The following TMEM182 variants were observed in gnomAD, a reference collection of about 807,000 sequenced individuals.
The protein encoded by TMEM182 is transmembrane protein 182.
Under a neutral mutation model 26.8 loss-of-function variants are expected in TMEM182, and 20 were observed. The observed-to-expected ratio is 0.75, with a 90% CI of 0.53 to 1.09. The LOEUF (loss-of-function observed/expected upper bound fraction) is 1.09, where lower values mean the gene tolerates loss of function less well. TMEM182 is among the 50% of genes least tolerant of loss of function. The pLI, the probability that TMEM182 is intolerant of heterozygous loss-of-function variation, is 0.00. For missense variants in TMEM182, 277 were observed against 275.5 expected (o/e 1.01, Z -0.04); for synonymous variants, 109 against 102.2 (o/e 1.07, Z -0.40).
At chr2:102,839,479 C>T (rs377209641) in intron 3 of TMEM182, among the ~76,000 whole-genome samples, 5 of 119,898 alleles carry the variant, frequency 4.2e-5, no homozygotes, top group African/African-American at 1.6e-4. Context: ...ATAATATATA[C>T]ACACAAAAAT....
chr2:102,765,293 C>CAGGTCAGAGTG (rs1680385303), intron 3 of TMEM182, among the ~76,000 whole-genome samples: 3 of 150,964 alleles, frequency 2.0e-5, no homozygotes, highest in Admixed American at 6.6e-5. Flanking sequence ...ATGTTGCAAT[C>CAGGTCAGAGTG]TCCAGTCTGA....
rs75611193 is a variant in TMEM182, at chr2:102,836,773, G to A, written c.326-6639G>A. 7.4e-3 allele frequency among the ~76,000 whole-genome samples: 1,122 copies of A among 152,296 alleles called. 17 individuals are homozygous for A. The highest frequency in any genetic ancestry group is 0.026 in the African/African-American group (1,075 of 41,544). The stretch of plus-strand genomic sequence containing the variant: ...AGAGCAGGACACAGGAAGAGAACTC[G>A]GCCTCTGTCAGCTGTGCTGCCCCAC... On this transcript the variant is annotated intron_variant, in intron 3 of 3. Transcript: ENST00000486293.
chr2:102,811,582 C>G (rs1682556747), intron 4 of TMEM182, among the ~76,000 whole-genome samples: 1 of 152,152 alleles, frequency 6.6e-6, no homozygotes, highest in South Asian at 2.1e-4. Flanking sequence ...TCTGCCATCC[C>G]TCTACACTTA....
At chr2:102,752,846 G>GTCAT (rs1679915319) in intron 1 of TMEM182, among the ~76,000 whole-genome samples, 1 of 152,164 alleles carries the variant, frequency 6.6e-6, no homozygotes, top group African/African-American at 2.4e-5. Context: ...TAAGACTCAA[G>GTCAT]TCATTGCACA....
chr2:102,764,504 G>A lies in TMEM182; in HGVS notation c.331+77G>A, dbSNP rs183681390. ...AGGATGCCCAGATCAAAATTGTTGT[G>A]AGCAATTAAAAAAATAATTTAAGAC... On this transcript the variant is annotated intron_variant, in intron 3 of 4. Coordinates refer to ENST00000412401, the MANE Select transcript of TMEM182 (RefSeq NM_144632.5). 4,749 of 1,189,570 alleles carry A rather than the reference G, an allele frequency of 4.0e-3. 13 individuals are homozygous for A. The highest frequency in any genetic ancestry group is 5.1e-3 in the Non-Finnish European group (4,356 of 854,064). The allele number at this position is 1,189,570 out of a possible 1,614,324, so 73.7% of individuals were successfully genotyped here.
chr2:102,768,074 C>G (rs1241880784), intron 3 of TMEM182, among the ~76,000 whole-genome samples: 1 of 152,204 alleles, frequency 6.6e-6, no homozygotes, highest in Non-Finnish European at 1.5e-5. Context: ...CCCTACGCCA[C>G]TGGTACATGC....
chr2:102,761,991 G>T (rs1050256530), upstream of TMEM182: 2 of 415,164 alleles, frequency 4.8e-6, no homozygotes. Context: ...ATTCTCAGCT[G>T]CTGGGCTGGA....
intron 1 of TMEM182, among the ~76,000 whole-genome samples, chr2:102,753,676 T>TAA (rs1226066872): frequency 1.3e-5 from 2 of 152,186 alleles, no homozygotes; most frequent in Non-Finnish European, 2.9e-5. Context: ...CAGCCAGTTC[T>TAA]TCATTTTTGA....
intron 3 of TMEM182, among the ~76,000 whole-genome samples, chr2:102,781,679 G>A (rs1473759968): frequency 6.6e-6 from 1 of 152,068 alleles, no homozygotes; most frequent in Admixed American, 6.6e-5. Context: ...TTCAGGGCAG[G>A]GAATGATGAG....
intron 3 of TMEM182, among the ~76,000 whole-genome samples, chr2:102,777,106 A>G (rs1680950418): frequency 6.6e-6 from 1 of 151,520 alleles, no homozygotes; most frequent in Non-Finnish European, 1.5e-5. Flanking sequence ...TTTTCTTTAC[A>G]TTTTCTTAAC....
chr2:102,831,723 C>G (rs979773222), intron 3 of TMEM182, among the ~76,000 whole-genome samples: 1 of 151,822 alleles, frequency 6.6e-6, no homozygotes, highest in Admixed American at 6.6e-5. Flanking sequence ...CACCACTGCA[C>G]TCCAGCTTGG....
intron 1 of TMEM182, among the ~76,000 whole-genome samples, chr2:102,739,027 G>A (rs1558747356): frequency 6.6e-6 from 1 of 152,200 alleles, no homozygotes; most frequent in Non-Finnish European, 1.5e-5. Flanking sequence ...ATGTATTAGT[G>A]AGAGATGCAC....
chr2:102,813,471 G>A (rs193243718), intron 4 of TMEM182, among the ~76,000 whole-genome samples: 55 of 152,336 alleles, frequency 3.6e-4, no homozygotes, highest in African/African-American at 1.3e-3. Flanking sequence ...AATTCAATGA[G>A]TGTAATAGAT....
At position 102,816,370 on chromosome 2, in the gene TMEM182, C is replaced by A; in HGVS notation, c.*1402C>A. 2.0e-6 allele frequency: 2 copies of A among 985,314 alleles called. No homozygotes were observed. Among genetic ancestry groups the A allele is most frequent in the Non-Finnish European group, 1.2e-6 (1 of 829,918 alleles). 61.0% of individuals were successfully genotyped at this position (985,314 alleles called of 1,614,324 possible). ...GAGGAACTGCTCCTTTTCATCAGCT[C>A]TTCCAATGCCGTGGGAGAGGTGATC... On this transcript the variant is annotated 3_prime_UTR_variant, in exon 5 of 5. Coordinates refer to ENST00000412401, the MANE Select transcript of TMEM182 (RefSeq NM_144632.5).
chr2:102,767,591 G>A (rs780707208), intron 3 of TMEM182, among the ~76,000 whole-genome samples: 2 of 152,092 alleles, frequency 1.3e-5, no homozygotes, highest in East Asian at 1.9e-4. Flanking sequence ...CAGAGTGCTC[G>A]TTATGCTTAA....
intron 3 of TMEM182, among the ~76,000 whole-genome samples, chr2:102,831,563 C>G (rs1427787169): frequency 1.3e-5 from 2 of 152,170 alleles, no homozygotes; most frequent in African/African-American, 4.8e-5. Flanking sequence ...TTAAGACAAG[C>G]CTGGCCAACA....
At chr2:102,804,166 A>T (rs182648810) in intron 4 of TMEM182, among the ~76,000 whole-genome samples, 3 of 152,080 alleles carry the variant, frequency 2.0e-5, no homozygotes, top group Admixed American at 1.3e-4. Flanking sequence ...ATTTTTTAAA[A>T]CAATTTTTCC....
chr2:102,741,606 G>A (rs1254896135), intron 1 of TMEM182, among the ~76,000 whole-genome samples: 1 of 152,058 alleles, frequency 6.6e-6, no homozygotes, highest in Non-Finnish European at 1.5e-5. Flanking sequence ...AAGAAAAAAA[G>A]CTAAAAATGT....
chr2:102,825,701 A>G (rs1683018947), intron 3 of TMEM182, among the ~76,000 whole-genome samples: 1 of 152,244 alleles, frequency 6.6e-6, no homozygotes, highest in East Asian at 1.9e-4. Context: ...CTAAATTGCC[A>G]CTGAATGAAA....
Sources: gnomAD v4.1 joint callset for allele counts (sites outside exome capture counted in the v4.1 genomes callset) on GRCh38, gnomAD v4.1.1 for gene constraint, MANE v1.5 for transcripts, NCBI Gene and HGNC (gene_info 2026-07-23, HGNC 2026-07-21) for gene names.